The following L3HYPDH variants were observed in gnomAD, a reference collection of about 807,000 sequenced individuals.
L3HYPDH encodes trans-3-hydroxy-L-proline dehydratase.
Under a neutral mutation model 26.5 loss-of-function variants are expected in L3HYPDH, and 32 were observed. The observed-to-expected ratio is 1.21, with a 90% CI of 0.91 to 1.62. The LOEUF (loss-of-function observed/expected upper bound fraction) is 1.62. Ranked by LOEUF, L3HYPDH falls within the 40% of genes most tolerant of loss-of-function variation. The pLI is 0.00. For synonymous variants in L3HYPDH, 215 were observed against 196.6 expected (o/e 1.09, Z -0.78); for missense variants, 554 against 476.4 (o/e 1.16, Z -1.52).
intron 2 of L3HYPDH, 40 bp downstream of exon 2, chr14:59,479,142 C>T (rs765711995): frequency 1.4e-6 from 2 of 1,464,386 alleles, no homozygotes; most frequent in Non-Finnish European, 1.8e-6. Flanking sequence ...CTCCATGCCA[C>T]AGAGAAGGGA....
Position 59,484,035 on chromosome 14 carries a change from G to T in L3HYPDH, c.282C>A (p.Phe94Leu). 6.2e-7 allele frequency: 1 copy of T among 1,605,772 alleles called. No homozygotes were observed. Among genetic ancestry groups the T allele is most frequent in the South Asian group, 1.1e-5 (1 of 90,830 alleles). Residue 94 changes from phenylalanine to leucine, a missense_variant, in exon 1 of 5, where the codon TTC (phenylalanine) becomes TTA (leucine). Physicochemically the swap from Phe to Leu is conservative, Grantham distance 22. Coordinates refer to ENST00000247194, the MANE Select transcript of L3HYPDH (RefSeq NM_144581.2). ...ELPDAHLGVL[F>L]LHNEGYSSMC... ...TGGAGCTGTAGCCCTCGTTGTGCAGGAACAGGACGCCCAGATGCGCGTCCG... is the reference window on the plus strand; with the variant it reads ...TGGAGCTGTAGCCCTCGTTGTGCAGTAACAGGACGCCCAGATGCGCGTCCG...
the L3HYPDH span, among the ~76,000 whole-genome samples, chr14:59,493,414 T>C: frequency 6.6e-6 from 1 of 152,244 alleles, no homozygotes; most frequent in Non-Finnish European, 1.5e-5. Flanking sequence ...ATTGACACCA[T>C]GTGGAGCAGA....
intron 1 of L3HYPDH, among the ~76,000 whole-genome samples, chr14:59,482,584 CAT>C (rs1251182395): frequency 6.6e-6 from 1 of 152,186 alleles, no homozygotes; most frequent in Non-Finnish European, 1.5e-5. Context: ...GAATCGTAAA[CAT>C]AAATTCTGTC....
At chr14:59,483,451 C>T in intron 1 of L3HYPDH, 1 of 1,117,074 alleles carries the variant, frequency 9.0e-7, no homozygotes, top group South Asian at 2.5e-5. Flanking sequence ...AACCCTGGTA[C>T]ATTGGCTGTT....
chr14:59,498,684 T>C, the L3HYPDH span: 1 of 1,097,132 alleles, frequency 9.1e-7, no homozygotes, highest in Non-Finnish European at 1.3e-6. Flanking sequence ...AAAACATTTT[T>C]AAAACATTTT....
At chr14:59,503,895 T>A in the L3HYPDH span, 3 of 1,613,432 alleles carry the variant, frequency 1.9e-6, no homozygotes, top group Non-Finnish European at 2.5e-6. Context: ...GACTTATTGT[T>A]CTCTTCAGCC....
Position 59,479,177 on chromosome 14 carries a change from C to T in L3HYPDH, c.678+5G>A, listed in dbSNP as rs111509047. 1.3e-6 allele frequency: 2 copies of T among 1,598,404 alleles called. No homozygotes were observed. The highest frequency in any genetic ancestry group is 1.4e-5 in the African/African-American group (1 of 74,064). ...AATTGGTTATGAAGGCAGAGTATTA[C>T]TGACCTGAGCTTTCACTGCCTCTGT... On this transcript the variant is annotated splice_donor_5th_base_variant and intron_variant, in intron 2 of 4. Transcript: ENST00000247194.
chr14:59,479,017 C>CG (rs1437322023), intron 2 of L3HYPDH, 165 bp downstream of exon 2: 1 of 524,164 alleles, frequency 1.9e-6, no homozygotes, highest in East Asian at 3.4e-5. Context: ...TCACAGGCCA[C>CG]GGGTGGGACA....
chr14:59,501,184 C>T, the L3HYPDH span: 1 of 1,545,152 alleles, frequency 6.5e-7, no homozygotes, highest in African/African-American at 1.4e-5. Context: ...CAATGCTTAT[C>T]TTTCAGATTA....
At chr14:59,489,777 T>C in the L3HYPDH span, among the ~76,000 whole-genome samples, 1 of 152,164 alleles carries the variant, frequency 6.6e-6, no homozygotes, top group African/African-American at 2.4e-5. Flanking sequence ...CTTCTGGTGA[T>C]GGCTTGAGGA....
At chr14:59,484,414 G>C (rs1278423240), upstream of L3HYPDH, 6 of 1,401,250 alleles carry the variant, frequency 4.3e-6, no homozygotes, top group Non-Finnish European at 5.8e-6. Context: ...ACGCTAACCA[G>C]CCACGTCCGG....
chr14:59,467,136 T>G (rs950435276), intron 1 of L3HYPDH, among the ~76,000 whole-genome samples: 1 of 152,172 alleles, frequency 6.6e-6, no homozygotes, highest in African/African-American at 2.4e-5. Context: ...GTGCTAAATA[T>G]TGTCTTAAAA....
rs528750480 is a variant in L3HYPDH, at chr14:59,478,525, C to A, written c.678+657G>T. On this transcript the variant is annotated intron_variant, in intron 2 of 4. Coordinates refer to ENST00000247194, the MANE Select transcript of L3HYPDH (RefSeq NM_144581.2). ...TTTTGAGCCTGGGAATTTGAAGTTACAGTAAGCTATGATCACACCACTGCA... is the reference window on the plus strand; with the variant it reads ...TTTTGAGCCTGGGAATTTGAAGTTAAAGTAAGCTATGATCACACCACTGCA... Among the ~76,000 whole-genome samples, 60 of 152,278 alleles carry A rather than the reference C, an allele frequency of 3.9e-4. 1 individual carries two copies. Among genetic ancestry groups the A allele is most frequent in the East Asian group, 1.2e-3 (6 of 5,186 alleles).
chr14:59,492,344 G>C, the L3HYPDH span, among the ~76,000 whole-genome samples: 1 of 152,206 alleles, frequency 6.6e-6, no homozygotes, highest in Non-Finnish European at 1.5e-5. Flanking sequence ...ATTGCACTGA[G>C]AAAGAAGGAG....
upstream of L3HYPDH, among the ~76,000 whole-genome samples, chr14:59,489,366 A>G (rs1890819287): frequency 6.6e-6 from 1 of 152,208 alleles, no homozygotes; most frequent in Non-Finnish European, 1.5e-5. Flanking sequence ...GGACATGGAC[A>G]CAATGCAGCA....
intron 2 of L3HYPDH, among the ~76,000 whole-genome samples, chr14:59,476,876 G>A (rs1464622714): frequency 6.6e-6 from 1 of 152,170 alleles, no homozygotes; most frequent in Non-Finnish European, 1.5e-5. Flanking sequence ...GCCCAAATAT[G>A]CAAAGCTACT....
At chr14:59,482,278 T>C (rs1403087483) in intron 1 of L3HYPDH, among the ~76,000 whole-genome samples, 2 of 152,174 alleles carry the variant, frequency 1.3e-5, no homozygotes, top group Admixed American at 6.5e-5. Context: ...CTGCCTTGTA[T>C]GCATTTTTCA....
the L3HYPDH span, chr14:59,494,938 C>A: frequency 5.1e-6 from 5 of 981,208 alleles, no homozygotes; most frequent in Non-Finnish European, 7.8e-6. Context: ...AAATCTGTAT[C>A]TTGACACATG....
chr14:59,500,958 C>A, the L3HYPDH span: 2 of 434,804 alleles, frequency 4.6e-6, no homozygotes, highest in Non-Finnish European at 8.1e-6. Context: ...TTTCCCACTA[C>A]AACTGCAGAG....
Sources: gnomAD v4.1 joint callset for allele counts (sites outside exome capture counted in the v4.1 genomes callset) on GRCh38, gnomAD v4.1.1 for gene constraint, MANE v1.5 for transcripts, NCBI Gene and HGNC (gene_info 2026-07-23, HGNC 2026-07-21) for gene names.